Variants in LRRTM3 observed in about 807,000 individuals in gnomAD.
LRRTM3 encodes the protein leucine rich repeat transmembrane neuronal 3, also known as leucine-rich repeat transmembrane neuronal protein 3.
A neutral mutation model predicts 44.7 loss-of-function variants in LRRTM3; 24 were observed. The ratio of observed to expected loss-of-function variants is 0.54; its 90% CI spans 0.39 to 0.76. The LOEUF (loss-of-function observed/expected upper bound fraction) is 0.76. Ranked by LOEUF, LRRTM3 falls within the 30% of genes least tolerant of loss-of-function variation. The pLI is 0.00. For synonymous variants in LRRTM3, 277 were observed against 278.7 expected, an observed-to-expected ratio of 0.99 and a Z score of 0.06; for missense variants, 587 against 702.2, an observed-to-expected ratio of 0.84 and a Z score of 1.85.
At chr10:66,977,036 A>T (rs965358643) in intron 2 of LRRTM3, among the ~76,000 whole-genome samples, 1 of 152,198 alleles carries the variant, frequency 6.6e-6, no homozygotes, top group Non-Finnish European at 1.5e-5. Flanking sequence ...GAATTAGCCA[A>T]TGGTTGATAG....
intron 2 of LRRTM3, among the ~76,000 whole-genome samples, chr10:67,089,489 C>T (rs1857500356): frequency 6.6e-6 from 1 of 151,920 alleles, no homozygotes; most frequent in South Asian, 2.1e-4. Flanking sequence ...AGATAGATTG[C>T]TCTTCGAACA....
intron 2 of LRRTM3, among the ~76,000 whole-genome samples, chr10:66,965,648 C>T (rs1458218763): frequency 6.6e-6 from 1 of 150,950 alleles, no homozygotes; most frequent in Non-Finnish European, 1.5e-5. Flanking sequence ...CGAACTTCCA[C>T]GTAGAGAAAA....
intron 2 of LRRTM3, among the ~76,000 whole-genome samples, chr10:67,049,688 C>A (rs909911223): frequency 1.3e-5 from 2 of 152,128 alleles, no homozygotes; most frequent in African/African-American, 4.8e-5. Flanking sequence ...AAAACAGTCC[C>A]TGACAAGTAC....
intron 2 of LRRTM3, among the ~76,000 whole-genome samples, chr10:67,014,834 C>G (rs1204263026): frequency 2.0e-5 from 3 of 151,592 alleles, no homozygotes; most frequent in African/African-American, 7.3e-5. Flanking sequence ...AAATGTTTAC[C>G]AAGGTAGAAA....
chr10:67,091,330 T>C (rs922718306), intron 2 of LRRTM3, among the ~76,000 whole-genome samples: 9 of 151,896 alleles, frequency 5.9e-5, no homozygotes, highest in Non-Finnish European at 1.3e-4. Flanking sequence ...AAAGACAGTG[T>C]GATACATACA....
At chr10:66,966,036 T>G (rs1849393174) in intron 2 of LRRTM3, among the ~76,000 whole-genome samples, 1 of 152,160 alleles carries the variant, frequency 6.6e-6, no homozygotes, top group African/African-American at 2.4e-5. Context: ...ATTTGAGTCT[T>G]TTGCTTCCTT....
intron 2 of LRRTM3, among the ~76,000 whole-genome samples, chr10:67,089,836 C>T (rs1226603808): frequency 6.6e-6 from 1 of 151,698 alleles, no homozygotes; most frequent in African/African-American, 2.4e-5. Flanking sequence ...TTGTCCATCC[C>T]TTTCACAAGC....
chr10:67,084,835 T>C (rs1007341054), intron 2 of LRRTM3, among the ~76,000 whole-genome samples: 2 of 151,960 alleles, frequency 1.3e-5, no homozygotes, highest in African/African-American at 2.4e-5. Context: ...TCATTGCTGA[T>C]TTTATATCAT....
At chr10:66,995,425 G>A (rs1355800572) in intron 2 of LRRTM3, among the ~76,000 whole-genome samples, 2 of 152,150 alleles carry the variant, frequency 1.3e-5, no homozygotes, top group East Asian at 3.9e-4. Context: ...CAGTCAGCTA[G>A]CAGGACCCCC....
At chr10:67,073,974 C>T (rs1024418810) in intron 2 of LRRTM3, among the ~76,000 whole-genome samples, 2 of 151,592 alleles carry the variant, frequency 1.3e-5, no homozygotes, top group African/African-American at 4.9e-5. Flanking sequence ...ATATTTATTT[C>T]GCACAGCTAC....
chr10:66,926,646 T>C (rs1387859184), intron 1 of LRRTM3, 59 bp downstream of exon 1: 1 of 1,570,814 alleles, frequency 6.4e-7, no homozygotes, highest in Non-Finnish European at 8.8e-7. Flanking sequence ...AAACCTCTAG[T>C]GTGTGTAATA....
intron 2 of LRRTM3, among the ~76,000 whole-genome samples, chr10:67,025,129 C>G (rs1053709605): frequency 3.9e-5 from 1 of 25,366 alleles, no homozygotes; most frequent in African/African-American, 6.6e-5. Context: ...AAAACTCTGT[C>G]AAAAACAAAA....
intron 2 of LRRTM3, among the ~76,000 whole-genome samples, chr10:67,089,881 CA>C (rs1475354936): frequency 6.6e-6 from 1 of 151,948 alleles, no homozygotes. Flanking sequence ...ATTGTGTCTT[CA>C]TCATGTTTGT....
At position 66,974,886 on chromosome 10, in the gene LRRTM3, ATTCT is replaced by A. The variant is rs1849943137; in HGVS notation, c.1536+46436_1536+46439del. Among the ~76,000 whole-genome samples, 5 of 151,940 alleles carry A rather than the reference ATTCT, an allele frequency of 3.3e-5. No individual in the cohort carries two copies. The South Asian group carries it at 1.0e-3, about 32-fold the overall frequency. ...TTTTTCTTCATATTGAATTCTAAGC[ATTCT>A]TAATAATACATTTTTTTTAAGGAGA... On this transcript the variant is annotated intron_variant, in intron 2 of 2. Transcript: ENST00000361320.
At chr10:66,992,314 C>A (rs1851085059) in intron 2 of LRRTM3, among the ~76,000 whole-genome samples, 1 of 152,076 alleles carries the variant, frequency 6.6e-6, no homozygotes, top group South Asian at 2.1e-4. Context: ...TGGTTTTGCA[C>A]TTCTGTAAAT....
At chr10:67,035,552 C>T (rs923110335) in intron 2 of LRRTM3, among the ~76,000 whole-genome samples, 1 of 151,936 alleles carries the variant, frequency 6.6e-6, no homozygotes, top group African/African-American at 2.4e-5. Context: ...AATTCTAACT[C>T]GGAGAACTTT....
chr10:67,015,777 C>T (rs57966240), intron 2 of LRRTM3, among the ~76,000 whole-genome samples: 2,476 of 152,074 alleles, frequency 0.016, 85 homozygotes, highest in African/African-American at 0.056. Context: ...TCACCAATTA[C>T]GTACATGTTG....
chr10:66,970,266 A>G (rs1472668179), intron 2 of LRRTM3, among the ~76,000 whole-genome samples: 2 of 152,132 alleles, frequency 1.3e-5, no homozygotes, highest in Admixed American at 1.3e-4. Flanking sequence ...AGTCATAAGG[A>G]TGGCTATTGG....
chr10:67,038,692 G>A (rs1013788469), intron 2 of LRRTM3, among the ~76,000 whole-genome samples: 1 of 152,002 alleles, frequency 6.6e-6, no homozygotes, highest in Non-Finnish European at 1.5e-5. Context: ...CAATTCCTAA[G>A]GTGAAACAAT....
Sources: gnomAD v4.1 joint callset for allele counts (sites outside exome capture counted in the v4.1 genomes callset) on GRCh38, gnomAD v4.1.1 for gene constraint, MANE v1.5 for transcripts, NCBI Gene and HGNC (gene_info 2026-07-23, HGNC 2026-07-21) for gene names.